ASTN2: variants seen among roughly 807,000 people sequenced by gnomAD.
ASTN2 encodes the protein astrotactin-2.
A neutral mutation model predicts 139.8 loss-of-function variants in ASTN2; 54 were observed. The ratio of observed to expected loss-of-function variants is 0.39; its 90% CI spans 0.31 to 0.48. The LOEUF (loss-of-function observed/expected upper bound fraction) is 0.48. ASTN2 is among the 20% of genes least tolerant of loss of function. The pLI, the probability that ASTN2 is intolerant of heterozygous loss-of-function variation, is 0.95. For missense variants in ASTN2, 1,565 were observed against 1,725.1 expected (o/e 0.91, Z 1.64); for synonymous variants, 756 against 719.5 (o/e 1.05, Z -0.81).
intron 19 of ASTN2, among the ~76,000 whole-genome samples, chr9:116,496,444 T>G (rs1177186380): frequency 6.6e-6 from 1 of 152,042 alleles, no homozygotes. Flanking sequence ...GGAGCAGGTA[T>G]GGGGTAAAGG....
At chr9:117,037,008 T>G (rs978529162) in intron 6 of ASTN2, among the ~76,000 whole-genome samples, 1 of 152,134 alleles carries the variant, frequency 6.6e-6, no homozygotes, top group Non-Finnish European at 1.5e-5. Context: ...TGCTTAGAGA[T>G]CTACCAGAAG....
rs921064589 is a variant in ASTN2 at position 116,424,540 on chromosome 9, T to C, written c.*1311A>G. ...TTCAGTCCTTGAAAGAGGTGTACTG[T>C]CTCTTGTCTCTGGGCTTTTGTTCAT... On this transcript the variant is annotated 3_prime_UTR_variant, in exon 23 of 23. Transcript: ENST00000313400. 2.0e-5 allele frequency among the ~76,000 whole-genome samples: 3 copies of C among 152,012 alleles called. No individual in the cohort carries two copies. Among genetic ancestry groups the C allele is most frequent in the Admixed American group, 2.0e-4 (3 of 15,268 alleles).
At chr9:117,018,397 G>A (rs956723211) in intron 6 of ASTN2, among the ~76,000 whole-genome samples, 7 of 151,618 alleles carry the variant, frequency 4.6e-5, no homozygotes, top group Non-Finnish European at 1.0e-4. Context: ...TCACAACTGT[G>A]AGCACTAAGA....
intron 19 of ASTN2, among the ~76,000 whole-genome samples, chr9:116,520,227 T>G (rs1170428358): frequency 2.0e-5 from 3 of 152,068 alleles, no homozygotes; most frequent in African/African-American, 7.2e-5. Flanking sequence ...ATATTCCTGA[T>G]GAACATAGAT....
At chr9:116,658,347 C>G (rs1174444558) in intron 16 of ASTN2, among the ~76,000 whole-genome samples, 2 of 152,126 alleles carry the variant, frequency 1.3e-5, no homozygotes, top group African/African-American at 4.8e-5. Flanking sequence ...TGGGGATTAG[C>G]CCAAACCCCC....
At chr9:116,641,481 T>A (rs1233260500) in intron 17 of ASTN2, among the ~76,000 whole-genome samples, 1 of 152,078 alleles carries the variant, frequency 6.6e-6, no homozygotes. Context: ...CATGTGGACT[T>A]GATGAGAGGG....
At chr9:116,968,227 T>G (rs1223317937) in intron 10 of ASTN2, among the ~76,000 whole-genome samples, 1 of 152,194 alleles carries the variant, frequency 6.6e-6, no homozygotes, top group East Asian at 1.9e-4. Context: ...GTTTTTCTAC[T>G]TCTAGAGCCT....
At chr9:116,797,850 G>C (rs556547052) in intron 13 of ASTN2, among the ~76,000 whole-genome samples, 3 of 152,174 alleles carry the variant, frequency 2.0e-5, no homozygotes, top group Non-Finnish European at 4.4e-5. Flanking sequence ...ATGTCTCCAA[G>C]GCTTCAGACA....
At chr9:117,148,382 T>C (rs1394778628) in intron 3 of ASTN2, among the ~76,000 whole-genome samples, 1 of 152,250 alleles carries the variant, frequency 6.6e-6, no homozygotes, top group Non-Finnish European at 1.5e-5. Flanking sequence ...CTCATCTTTC[T>C]CTCACTAACC....
chr9:116,820,595 G>T lies in ASTN2; in HGVS notation c.2207+22C>A, dbSNP rs200496402. The T allele has an allele frequency of 1.0e-3, 1,643 of 1,608,562 alleles. 29 individuals are homozygous for T. In the South Asian group the frequency reaches 0.017, roughly 17 times the overall value. On this transcript the variant is annotated intron_variant, in intron 12 of 22. Transcript: ENST00000313400. ...CTCACTTCTGTAAATGGGGCACCTG[G>T]GCCTTGGGGACAGAGACTCACCCGC...
chr9:117,276,087 G>T (rs1167893806), intron 2 of ASTN2, among the ~76,000 whole-genome samples: 1 of 152,144 alleles, frequency 6.6e-6, no homozygotes, highest in Non-Finnish European at 1.5e-5. Context: ...TTCTATTAAT[G>T]TTAGTTGGTC....
intron 10 of ASTN2, among the ~76,000 whole-genome samples, chr9:116,877,792 T>A (rs1007529274): frequency 6.6e-6 from 1 of 152,132 alleles, no homozygotes; most frequent in Non-Finnish European, 1.5e-5. Context: ...AAAAGCCATC[T>A]TCTCCTCCTG....
At chr9:116,572,206 C>A (rs560766485) in intron 19 of ASTN2, among the ~76,000 whole-genome samples, 1 of 152,318 alleles carries the variant, frequency 6.6e-6, no homozygotes, top group African/African-American at 2.4e-5. Flanking sequence ...CTGCCTTCTC[C>A]TCCCCAGGCT....
At chr9:117,318,228 A>G (rs897717735) in intron 1 of ASTN2, among the ~76,000 whole-genome samples, 6 of 152,158 alleles carry the variant, frequency 3.9e-5, no homozygotes, top group South Asian at 2.1e-4. Context: ...TGTGTTCTCT[A>G]TGCCTCAGTG....
intron 2 of ASTN2, among the ~76,000 whole-genome samples, chr9:117,268,894 G>C (rs1465889252): frequency 2.0e-5 from 3 of 152,162 alleles, no homozygotes; most frequent in African/African-American, 7.2e-5. Context: ...CTTGACACAT[G>C]CTGAGCGGGT....
chr9:116,976,662 T>C (rs1173419619), intron 8 of ASTN2, 39 bp downstream of exon 8: 2 of 1,585,914 alleles, frequency 1.3e-6, no homozygotes, highest in South Asian at 2.2e-5. Flanking sequence ...TAAAAGTGGG[T>C]CCTGCACTGT....
At chr9:116,526,968 G>A (rs867541371) in intron 19 of ASTN2, among the ~76,000 whole-genome samples, 10 of 152,292 alleles carry the variant, frequency 6.6e-5, no homozygotes, top group South Asian at 2.1e-4. Flanking sequence ...TTCAATAAAC[G>A]GTGCTGGGAA....
chr9:116,481,210 T>C (rs1005371027), intron 20 of ASTN2, among the ~76,000 whole-genome samples: 1 of 152,004 alleles, frequency 6.6e-6, no homozygotes, highest in African/African-American at 2.4e-5. Flanking sequence ...CAAAATCCCG[T>C]CTCTACAAAA....
chr9:116,634,943 A>T (rs974350134), intron 17 of ASTN2, among the ~76,000 whole-genome samples: 3 of 151,416 alleles, frequency 2.0e-5, no homozygotes, highest in African/African-American at 7.3e-5. Context: ...AGAAAAAGAG[A>T]GAGAAGTGGG....
Sources: gnomAD v4.1 joint callset for allele counts (sites outside exome capture counted in the v4.1 genomes callset) on GRCh38, gnomAD v4.1.1 for gene constraint, MANE v1.5 for transcripts, NCBI Gene and HGNC (gene_info 2026-07-23, HGNC 2026-07-21) for gene names.